The following RNF130 variants were observed in gnomAD, a reference collection of about 807,000 sequenced individuals.
The protein encoded by RNF130 is ring finger protein 130, also known as E3 ubiquitin-protein ligase RNF130.
In RNF130, 21 loss-of-function variants were observed where a neutral mutation model predicts 44.6. That is an observed-to-expected ratio of 0.47 (90% CI 0.33 to 0.68). RNF130 has a LOEUF of 0.68. Ranked by LOEUF, RNF130 falls within the 30% of genes least tolerant of loss-of-function variation. The pLI, the probability that RNF130 is intolerant of heterozygous loss-of-function variation, is 0.02. For missense variants in RNF130, 479 were observed against 560.6 expected (o/e 0.85, Z 1.47); for synonymous variants, 214 against 210.4 (o/e 1.02, Z -0.15).
intron 3 of RNF130, among the ~76,000 whole-genome samples, chr5:179,994,837 G>C (rs1257010878): frequency 6.6e-6 from 1 of 152,200 alleles, no homozygotes; most frequent in Non-Finnish European, 1.5e-5. Context: ...GGTCACAGCT[G>C]GCTACAGTTC....
At chr5:179,958,371 C>T (rs974711477) in intron 8 of RNF130, among the ~76,000 whole-genome samples, 2 of 152,170 alleles carry the variant, frequency 1.3e-5, no homozygotes, top group African/African-American at 4.8e-5. Context: ...TGGGTCACAA[C>T]ACAAAATGTA....
At chr5:180,030,176 A>C (rs1368735124) in intron 2 of RNF130, among the ~76,000 whole-genome samples, 1 of 152,076 alleles carries the variant, frequency 6.6e-6, no homozygotes, top group Non-Finnish European at 1.5e-5. Context: ...TTCTATCCTT[A>C]TATGCTCTTT....
At chr5:179,920,792 T>TAC (rs1761618662) in intron 7 of RNF130, among the ~76,000 whole-genome samples, 1 of 135,100 alleles carries the variant, frequency 7.4e-6, no homozygotes, top group South Asian at 2.1e-4. Context: ...TATATATATA[T>TAC]ATATTTTTTT....
intron 2 of RNF130, among the ~76,000 whole-genome samples, chr5:180,018,817 C>G (rs1336685777): frequency 6.6e-6 from 1 of 152,170 alleles, no homozygotes; most frequent in Non-Finnish European, 1.5e-5. Flanking sequence ...GTCTACCCAG[C>G]TGGGAAGAGT....
At chr5:179,957,920 C>T (rs979593213) in intron 8 of RNF130, among the ~76,000 whole-genome samples, 10 of 151,244 alleles carry the variant, frequency 6.6e-5, no homozygotes, top group Non-Finnish European at 1.2e-4. Flanking sequence ...CTCTGTCGCC[C>T]AGGCTGGAGT....
intron 1 of RNF130, among the ~76,000 whole-genome samples, chr5:180,063,716 T>C (rs1035217149): frequency 6.6e-6 from 1 of 152,208 alleles, no homozygotes; most frequent in Non-Finnish European, 1.5e-5. Context: ...ATTTGGTTTT[T>C]CTTAACATGT....
intron 6 of RNF130, among the ~76,000 whole-genome samples, chr5:179,968,664 TCA>T (rs1762507993): frequency 8.0e-6 from 1 of 124,328 alleles, no homozygotes; most frequent in Non-Finnish European, 1.6e-5. Flanking sequence ...AGACTCTGTC[TCA>T]TAAAAAAAAA....
intron 7 of RNF130, among the ~76,000 whole-genome samples, chr5:179,934,387 G>T (rs1030077130): frequency 6.6e-6 from 1 of 152,050 alleles, no homozygotes; most frequent in Non-Finnish European, 1.5e-5. Flanking sequence ...TGCACCTTAT[G>T]ATTATTTTTA....
intron 3 of RNF130, among the ~76,000 whole-genome samples, chr5:179,992,363 C>T (rs1222799503): frequency 6.6e-6 from 1 of 152,116 alleles, no homozygotes; most frequent in African/African-American, 2.4e-5. Flanking sequence ...GGATGAGTCT[C>T]GATCTCCTGA....
intron 1 of RNF130, among the ~76,000 whole-genome samples, chr5:180,045,457 CA>C (rs1193578146): frequency 6.6e-6 from 1 of 152,186 alleles, no homozygotes; most frequent in East Asian, 1.9e-4. Flanking sequence ...CGCAGGGACC[CA>C]AACAGTGAGC....
At chr5:180,011,836 C>T (rs1233013375) in intron 3 of RNF130, among the ~76,000 whole-genome samples, 1 of 151,874 alleles carries the variant, frequency 6.6e-6, no homozygotes, top group East Asian at 1.9e-4. Flanking sequence ...AAAACATTAA[C>T]AGCTGTAGCA....
intron 2 of RNF130, among the ~76,000 whole-genome samples, chr5:180,036,751 T>G (rs1286947205): frequency 2.7e-5 from 4 of 148,708 alleles, no homozygotes; most frequent in Admixed American, 2.7e-4. Flanking sequence ...CTTATAAATA[T>G]TTCACAAAGT....
intron 4 of RNF130, among the ~76,000 whole-genome samples, chr5:179,978,885 C>A (rs1005757559): frequency 6.6e-6 from 1 of 152,126 alleles, no homozygotes; most frequent in Non-Finnish European, 1.5e-5. Flanking sequence ...TAATTGATTT[C>A]CTTCCTCCTA....
intron 8 of RNF130, among the ~76,000 whole-genome samples, chr5:179,955,893 G>A (rs1350755578): frequency 2.0e-5 from 3 of 152,168 alleles, no homozygotes; most frequent in Non-Finnish European, 4.4e-5. Flanking sequence ...CTCCCAAAAG[G>A]ATGAAGGAAA....
At chr5:179,951,185 A>G (rs1477034826), downstream of RNF130, among the ~76,000 whole-genome samples, 1 of 152,190 alleles carries the variant, frequency 6.6e-6, no homozygotes, top group East Asian at 1.9e-4. Context: ...GCACCTAACA[A>G]CAAAGCCCCA....
At chr5:179,998,886 T>TATATATA (rs1389273465) in intron 3 of RNF130, among the ~76,000 whole-genome samples, 87 of 105,716 alleles carry the variant, frequency 8.2e-4, no homozygotes, top group Non-Finnish European at 1.2e-3. Flanking sequence ...TATATATATG[T>TATATATA]TTTATATATC....
At position 179,967,028 on chromosome 5, in the gene RNF130, G is replaced by T; in HGVS notation, c.946-18C>A. 3 of 1,597,136 alleles carry T rather than the reference G, an allele frequency of 1.9e-6. No homozygotes were observed. The highest frequency in any genetic ancestry group is 2.2e-5 in the South Asian group (2 of 89,564). On this transcript the variant is annotated intron_variant, in intron 6 of 8. Coordinates refer to ENST00000521389, the MANE Select transcript of RNF130 (RefSeq NM_018434.6). The stretch of plus-strand genomic sequence containing the variant: ...AAATTCGGCTGCAAAATATTTCCAG[G>T]TTAAAAATAATTGTAAGGAAAACAC...
At chr5:179,940,225 CTTTT>C (rs899496168) in intron 7 of RNF130, 2 of 151,386 alleles carry the variant, frequency 1.3e-5, no homozygotes, top group African/African-American at 2.4e-5. Context: ...TGTTCACTTT[CTTTT>C]TTTTCTTTTT....
In RNF130 at chr5:179,978,283, T is replaced by C. The variant is rs762607310; in HGVS notation, c.768A>G (p.Glu256=). The C allele has an allele frequency of 9.3e-6, 15 of 1,612,866 alleles. No homozygotes were observed. The highest frequency in any genetic ancestry group is 1.3e-5 in the Non-Finnish European group (15 of 1,178,878). Residue 256 remains glutamate, a splice_region_variant and synonymous_variant, in exon 5 of 9, where the codon GAA becomes GAG. Transcript: ENST00000521389. ...CACAATGATCAAAGTCTGGGTCAGT[T>C]TCCTAAAATGAAAAGTACAGAAACA... ...TTRTVKKGDK[E]TDPDFDHCAV... is the part of the protein sequence containing the mutation.
Sources: gnomAD v4.1 joint callset for allele counts (sites outside exome capture counted in the v4.1 genomes callset) on GRCh38, gnomAD v4.1.1 for gene constraint, MANE v1.5 for transcripts, NCBI Gene and HGNC (gene_info 2026-07-23, HGNC 2026-07-21) for gene names.